Variants in CEP170 observed in about 807,000 individuals in gnomAD.
CEP170 encodes centrosomal protein 170, also known as centrosomal protein of 170 kDa.
Under a neutral mutation model 151.9 loss-of-function variants are expected in CEP170, and 21 were observed. The ratio of observed to expected loss-of-function variants is 0.14; its 90% confidence interval spans 0.10 to 0.20. The LOEUF is 0.20. CEP170 is among the 10% of genes least tolerant of loss of function. The probability of loss-of-function intolerance (pLI) is 1.00; values close to 1 mark genes in which losing one functional copy is unlikely to be tolerated. For missense variants in CEP170, 964 were observed against 1,892.9 expected, an observed-to-expected ratio of 0.51 and a Z score of 9.11; for synonymous variants, 356 against 648.8, an observed-to-expected ratio of 0.55 and a Z score of 6.86.
chr1:243,144,006 T>C (rs1012878174), intron 14 of CEP170, among the ~76,000 whole-genome samples: 1 of 152,202 alleles, frequency 6.6e-6, no homozygotes, highest in Admixed American at 6.5e-5. Context: ...ATATAAACTT[T>C]GTAAAAACGT....
At chr1:243,250,754 T>C (rs113908905) in intron 1 of CEP170, among the ~76,000 whole-genome samples, 16 of 152,330 alleles carry the variant, frequency 1.1e-4, no homozygotes, top group African/African-American at 3.6e-4. Flanking sequence ...TGAAAAGCCA[T>C]GTAACATTTC....
At chr1:243,161,487 A>T (rs1050884902) in intron 13 of CEP170, among the ~76,000 whole-genome samples, 1 of 152,042 alleles carries the variant, frequency 6.6e-6, no homozygotes, top group African/African-American at 2.4e-5. Flanking sequence ...ACTTTTTTTT[A>T]ATGGAGACAG....
At chr1:243,178,308 C>CAAAAAAAAAAAAAAAAAAA (rs869094317) in intron 10 of CEP170, among the ~76,000 whole-genome samples, 3 of 30,428 alleles carry the variant, frequency 9.9e-5, no homozygotes, top group African/African-American at 4.9e-4. Flanking sequence ...GACTCTGCCT[C>CAAAAAAAAAAAAAAAAAAA]AAAAAAAAAA....
chr1:243,158,912 C>A (rs891466824), intron 13 of CEP170, among the ~76,000 whole-genome samples: 1 of 151,774 alleles, frequency 6.6e-6, no homozygotes, highest in Non-Finnish European at 1.5e-5. Context: ...ACTAAAAATA[C>A]AAAAATTAGC....
intron 2 of CEP170, among the ~76,000 whole-genome samples, chr1:243,224,290 G>T (rs1359981885): frequency 6.6e-6 from 1 of 152,082 alleles, no homozygotes; most frequent in Non-Finnish European, 1.5e-5. Flanking sequence ...ATTTTGACCA[G>T]GCCCTTTTTT....
intron 1 of CEP170, among the ~76,000 whole-genome samples, chr1:243,252,506 GA>G (rs1186940638): frequency 6.6e-6 from 1 of 151,888 alleles, no homozygotes; most frequent in Non-Finnish European, 1.5e-5. Context: ...AGATAAAAAG[GA>G]ACAAGAAACT....
chr1:243,142,179 A>G (rs2055923478), intron 15 of CEP170, 137 bp downstream of exon 15: 20 of 1,534,582 alleles, frequency 1.3e-5, no homozygotes, highest in Non-Finnish European at 1.7e-5. Flanking sequence ...TAAACTGTTA[A>G]AGCAAAGTTG....
intron 3 of CEP170, among the ~76,000 whole-genome samples, chr1:243,218,783 A>T (rs943915539): frequency 6.6e-6 from 1 of 152,158 alleles, no homozygotes; most frequent in African/African-American, 2.4e-5. Context: ...TAGCTTATTT[A>T]TATCTTTACA....
chr1:243,209,238 G>A (rs1265636986), intron 4 of CEP170, among the ~76,000 whole-genome samples: 1 of 151,922 alleles, frequency 6.6e-6, no homozygotes, highest in Non-Finnish European at 1.5e-5. Flanking sequence ...AGGCTGGAGT[G>A]CAGTGGCACG....
intron 10 of CEP170, among the ~76,000 whole-genome samples, chr1:243,173,679 T>A (rs1171379384): frequency 6.8e-6 from 1 of 147,264 alleles, no homozygotes; most frequent in Non-Finnish European, 1.5e-5. Context: ...GAGGTTACAG[T>A]GAGCTGAGAT....
chr1:243,245,398 A>G (rs1037249077), intron 1 of CEP170, among the ~76,000 whole-genome samples: 4 of 152,048 alleles, frequency 2.6e-5, no homozygotes, highest in Non-Finnish European at 4.4e-5. Flanking sequence ...TAGGGAACAA[A>G]ATGAGACCTT....
At chr1:243,132,004 A>G (rs1378770729) in intron 17 of CEP170, among the ~76,000 whole-genome samples, 1 of 152,206 alleles carries the variant, frequency 6.6e-6, no homozygotes, top group Non-Finnish European at 1.5e-5. Context: ...GCCATGCTAC[A>G]CAACCTAAGG....
intron 4 of CEP170, among the ~76,000 whole-genome samples, chr1:243,210,784 A>G (rs1450608882): frequency 6.6e-6 from 1 of 151,382 alleles, no homozygotes; most frequent in East Asian, 1.9e-4. Context: ...CTGGTTATTT[A>G]AAACATTTTT....
At chr1:243,131,717 T>C (rs906234163) in intron 17 of CEP170, among the ~76,000 whole-genome samples, 4 of 152,142 alleles carry the variant, frequency 2.6e-5, no homozygotes, top group African/African-American at 9.7e-5. Flanking sequence ...TCCTTATCAA[T>C]TTTAAGCTGA....
intron 14 of CEP170, among the ~76,000 whole-genome samples, chr1:243,150,077 A>C (rs2056912215): frequency 6.6e-6 from 1 of 152,116 alleles, no homozygotes; most frequent in African/African-American, 2.4e-5. Context: ...TAATAATAAA[A>C]GCTTTTTGTC....
intron 1 of CEP170, among the ~76,000 whole-genome samples, chr1:243,232,050 A>C (rs921417476): frequency 4.0e-5 from 6 of 151,780 alleles, no homozygotes; most frequent in South Asian, 2.1e-4. Context: ...TGCAACCTCC[A>C]CCTCCCAAGC....
intron 4 of CEP170, among the ~76,000 whole-genome samples, chr1:243,208,203 A>G (rs1184839854): frequency 2.6e-5 from 4 of 152,220 alleles, no homozygotes; most frequent in East Asian, 3.9e-4. Context: ...ACTTCCAGAT[A>G]TATCACCCTG....
At chr1:243,211,146 A>G (rs2061771652) in intron 4 of CEP170, 1 of 151,516 alleles carries the variant, frequency 6.6e-6, no homozygotes, top group Non-Finnish European at 1.5e-5. Flanking sequence ...TATGTGGAAT[A>G]GCTGTATTTT....
At chr1:243,222,218 G>T (rs778812733) in intron 2 of CEP170, among the ~76,000 whole-genome samples, 53 of 152,040 alleles carry the variant, frequency 3.5e-4, no homozygotes, top group Non-Finnish European at 6.9e-4. Context: ...CAAAAAATGA[G>T]CATAAACTAT....
Sources: gnomAD v4.1 joint callset for allele counts (sites outside exome capture counted in the v4.1 genomes callset) on GRCh38, gnomAD v4.1.1 for gene constraint, MANE v1.5 for transcripts, NCBI Gene and HGNC (gene_info 2026-07-23, HGNC 2026-07-21) for gene names.